The following RANBP17 variants were observed in gnomAD, a reference collection of about 807,000 sequenced individuals.
RANBP17 encodes the protein ran-binding protein 17.
RANBP17 carries 158 observed loss-of-function variants against 141.2 expected under a neutral mutation model. The ratio of observed to expected loss-of-function variants is 1.12; its 90% CI spans 0.98 to 1.28. The LOEUF (loss-of-function observed/expected upper bound fraction) is 1.28, where lower values mean the gene tolerates loss of function less well. Ranked by LOEUF, RANBP17 falls within the 50% of genes most tolerant of loss-of-function variation. The pLI is 0.00. For missense variants in RANBP17, 1,438 were observed against 1,290.7 expected (o/e 1.11, Z -1.75); for synonymous variants, 430 against 450.0 (o/e 0.96, Z 0.56).
chr5:171,224,434 T>G (rs907265246), intron 22 of RANBP17, among the ~76,000 whole-genome samples: 2 of 152,210 alleles, frequency 1.3e-5, no homozygotes, highest in Non-Finnish European at 2.9e-5. Flanking sequence ...GGAAGTGAGC[T>G]TCCTCTTCCA....
At chr5:171,062,473 G>A (rs1386364490) in intron 14 of RANBP17, among the ~76,000 whole-genome samples, 5 of 152,024 alleles carry the variant, frequency 3.3e-5, no homozygotes, top group Admixed American at 1.3e-4. Context: ...TCTTTAATAT[G>A]GTTGAATATT....
Position 170,909,713 on chromosome 5 carries a change from G to C in RANBP17, c.542G>C (p.Arg181Pro). ...CACAGGAAAATAGCTACCTCATTTC[G>C]TGATACTTCTCTCAAAGACGTTTTA... Reference protein sequence around the residue: ...AKHRKIATSFRDTSLKDVLVL... With the variant: ...AKHRKIATSFPDTSLKDVLVL... Residue 181 changes from arginine (R) to proline (P), a missense_variant, in exon 6 of 28, where the codon CGT (arginine) becomes CCT (proline). Coordinates refer to ENST00000523189, the MANE Select transcript of RANBP17 (RefSeq NM_022897.5). 1 of 1,596,436 alleles carries C rather than the reference G, an allele frequency of 6.3e-7. No individual in the cohort carries two copies. The highest frequency in any genetic ancestry group is 8.6e-7 in the Non-Finnish European group (1 of 1,168,040).
At chr5:171,223,245 A>T (rs1440942472) in intron 22 of RANBP17, among the ~76,000 whole-genome samples, 2 of 152,202 alleles carry the variant, frequency 1.3e-5, no homozygotes, top group African/African-American at 4.8e-5. Context: ...AAGCACCTGT[A>T]TAGGACAGTA....
intron 14 of RANBP17, among the ~76,000 whole-genome samples, chr5:171,051,842 C>T (rs1247945959): frequency 1.3e-5 from 2 of 152,118 alleles, no homozygotes; most frequent in Non-Finnish European, 2.9e-5. Context: ...ATTTTACATT[C>T]CCACCAGCAA....
chr5:171,082,005 T>G (rs1250939216), intron 14 of RANBP17, among the ~76,000 whole-genome samples: 3 of 152,186 alleles, frequency 2.0e-5, no homozygotes, highest in African/African-American at 7.2e-5. Flanking sequence ...CTTAGAATTT[T>G]GACTTGAAGT....
intron 12 of RANBP17, among the ~76,000 whole-genome samples, chr5:170,943,077 G>T (rs912904535): frequency 6.6e-6 from 1 of 152,052 alleles, no homozygotes; most frequent in Admixed American, 6.6e-5. Context: ...AAGGTCAGTG[G>T]GAAAGAATCT....
chr5:171,059,088 G>A (rs1332705259), intron 14 of RANBP17, among the ~76,000 whole-genome samples: 20 of 151,488 alleles, frequency 1.3e-4, no homozygotes, highest in Admixed American at 2.0e-4. Flanking sequence ...AGTAGGTTGC[G>A]AAAATTTTCT....
chr5:171,251,704 G>A (rs1483396525), intron 24 of RANBP17, among the ~76,000 whole-genome samples: 5 of 152,198 alleles, frequency 3.3e-5, no homozygotes, highest in Admixed American at 3.3e-4. Flanking sequence ...GTGGGTCCGT[G>A]GCGGCTCGGG....
intron 22 of RANBP17, among the ~76,000 whole-genome samples, chr5:171,226,278 G>C (rs1417590308): frequency 6.6e-6 from 1 of 152,010 alleles, no homozygotes; most frequent in Non-Finnish European, 1.5e-5. Flanking sequence ...TTGCCTCTGG[G>C]TCCTGGTATC....
At chr5:170,887,729 G>C (rs962184027) in intron 3 of RANBP17, among the ~76,000 whole-genome samples, 1 of 152,108 alleles carries the variant, frequency 6.6e-6, no homozygotes, top group African/African-American at 2.4e-5. Context: ...TATCAAAAAA[G>C]AAATGTATTT....
At chr5:171,087,560 G>A (rs1192288209) in intron 14 of RANBP17, among the ~76,000 whole-genome samples, 2 of 151,706 alleles carry the variant, frequency 1.3e-5, no homozygotes, top group African/African-American at 2.4e-5. Context: ...TGTTGACAGT[G>A]GGGTGTTAAA....
intron 21 of RANBP17, among the ~76,000 whole-genome samples, chr5:171,220,949 T>C (rs182118161): frequency 3.3e-4 from 51 of 152,336 alleles, no homozygotes; most frequent in South Asian, 8.3e-4. Flanking sequence ...TACTAAAGCA[T>C]TTTTAAAAAG....
intron 1 of RANBP17, among the ~76,000 whole-genome samples, chr5:170,863,040 T>C (rs899802006): frequency 5.3e-5 from 8 of 152,220 alleles, no homozygotes; most frequent in African/African-American, 1.9e-4. Flanking sequence ...TATTAATTAT[T>C]GAGCGCCTAC....
At chr5:171,283,163 T>G (rs944764965) in intron 25 of RANBP17, among the ~76,000 whole-genome samples, 1 of 152,210 alleles carries the variant, frequency 6.6e-6, no homozygotes, top group African/African-American at 2.4e-5. Flanking sequence ...AGGGTTAGCC[T>G]CCTCTGGTTT....
At chr5:170,894,415 A>T (rs1221547771) in intron 4 of RANBP17, among the ~76,000 whole-genome samples, 2 of 150,808 alleles carry the variant, frequency 1.3e-5, no homozygotes, top group Non-Finnish European at 2.9e-5. Context: ...GAAGACCAAA[A>T]GAAACAACAT....
At chr5:171,186,800 C>G (rs974992471) in intron 18 of RANBP17, among the ~76,000 whole-genome samples, 1 of 152,072 alleles carries the variant, frequency 6.6e-6, no homozygotes, top group African/African-American at 2.4e-5. Flanking sequence ...CCTCCCAACA[C>G]TGGTATGATT....
At chr5:171,035,741 T>TG (rs1388669403) in intron 14 of RANBP17, among the ~76,000 whole-genome samples, 3 of 122,840 alleles carry the variant, frequency 2.4e-5, no homozygotes, top group African/African-American at 1.6e-4. Flanking sequence ...TTTTTTGTTT[T>TG]TTTTTTTTTT....
intron 14 of RANBP17, among the ~76,000 whole-genome samples, chr5:170,975,311 C>T (rs746984526): frequency 6.6e-6 from 1 of 152,030 alleles, no homozygotes; most frequent in Admixed American, 6.6e-5. Flanking sequence ...GGTAGATCAC[C>T]TGAGGTCAGG....
intron 14 of RANBP17, among the ~76,000 whole-genome samples, chr5:171,076,545 G>C (rs971130193): frequency 7.2e-5 from 11 of 152,202 alleles, no homozygotes; most frequent in African/African-American, 2.4e-4. Context: ...AGAAATGTCT[G>C]ATTCAAGATC....
Sources: allele counts gnomAD v4.1 joint callset (sites outside exome capture counted in the v4.1 genomes callset), GRCh38; gene constraint gnomAD v4.1.1; transcripts MANE v1.5; gene names NCBI Gene and HGNC (gene_info 2026-07-23, HGNC 2026-07-21).